Variants in RBM20 observed in about 807,000 individuals in gnomAD.
The protein encoded by RBM20 is RNA-binding protein 20.
Under a neutral mutation model 110.1 loss-of-function variants are expected in RBM20, and 51 were observed. The observed-to-expected ratio is 0.46, with a 90% CI of 0.37 to 0.59. The LOEUF (loss-of-function observed/expected upper bound fraction) is 0.59. Ranked by LOEUF, RBM20 falls within the 20% of genes least tolerant of loss-of-function variation. The pLI is 0.00. For synonymous variants in RBM20, 589 were observed against 618.2 expected (o/e 0.95, Z 0.70); for missense variants, 1,512 against 1,574.9 (o/e 0.96, Z 0.68).
At chr10:110,685,136 C>G (rs1249218370) in intron 1 of RBM20, among the ~76,000 whole-genome samples, 1 of 152,234 alleles carries the variant, frequency 6.6e-6, no homozygotes, top group East Asian at 1.9e-4. Flanking sequence ...GTGGTCGCTG[C>G]CGAGGATCAG....
chr10:110,712,697 G>A (rs1862953068), intron 1 of RBM20, among the ~76,000 whole-genome samples: 1 of 152,186 alleles, frequency 6.6e-6, no homozygotes. Context: ...AACCTGGGAA[G>A]CAGAGATTGC....
At chr10:110,747,712 T>C (rs1843799344) in intron 1 of RBM20, among the ~76,000 whole-genome samples, 1 of 152,192 alleles carries the variant, frequency 6.6e-6, no homozygotes, top group African/African-American at 2.4e-5. Flanking sequence ...TTAAATGACT[T>C]TTTAATCTGG....
intron 1 of RBM20, among the ~76,000 whole-genome samples, chr10:110,681,761 G>A (rs577994132): frequency 3.2e-4 from 48 of 152,220 alleles, no homozygotes; most frequent in Non-Finnish European, 5.7e-4. Context: ...GATAAGCCAT[G>A]ATACATTTAT....
intron 1 of RBM20, among the ~76,000 whole-genome samples, chr10:110,678,482 C>G (rs918902379): frequency 6.6e-6 from 1 of 152,150 alleles, no homozygotes; most frequent in Non-Finnish European, 1.5e-5. Context: ...TTAAGGACAC[C>G]CATGGAAAGC....
At chr10:110,714,718 T>C (rs2134919391) in intron 1 of RBM20, among the ~76,000 whole-genome samples, 3 of 152,286 alleles carry the variant, frequency 2.0e-5, no homozygotes, top group African/African-American at 7.2e-5. Context: ...CCTTCCTGGT[T>C]GTCCTCAGCC....
At chr10:110,674,930 C>T (rs1862316680) in intron 1 of RBM20, among the ~76,000 whole-genome samples, 1 of 152,170 alleles carries the variant, frequency 6.6e-6, no homozygotes, top group Admixed American at 6.5e-5. Context: ...ATATACTGTC[C>T]TCAAGGAGCT....
At chr10:110,816,512 G>A (rs780981001) in intron 9 of RBM20, among the ~76,000 whole-genome samples, 23 of 150,402 alleles carry the variant, frequency 1.5e-4, no homozygotes, top group South Asian at 2.1e-4. Flanking sequence ...CCCTCGCACC[G>A]CTGCAGACCA....
chr10:110,749,916 T>C (rs1200613788), intron 1 of RBM20, among the ~76,000 whole-genome samples: 1 of 152,122 alleles, frequency 6.6e-6, no homozygotes, highest in Non-Finnish European at 1.5e-5. Context: ...AGAATATCTT[T>C]ATGACCTGAG....
chr10:110,809,302 A>G (rs113863879), intron 7 of RBM20, among the ~76,000 whole-genome samples: 22 of 151,790 alleles, frequency 1.4e-4, no homozygotes, highest in African/African-American at 5.3e-4. Flanking sequence ...AATAAAACTC[A>G]TTATCAAAAG....
chr10:110,669,343 T>G (rs138383063), intron 1 of RBM20, among the ~76,000 whole-genome samples: 1 of 152,276 alleles, frequency 6.6e-6, no homozygotes, highest in East Asian at 1.9e-4. Context: ...AGGAATGATA[T>G]TTAAACGACC....
intron 1 of RBM20, among the ~76,000 whole-genome samples, chr10:110,652,271 C>G (rs1008174553): frequency 6.6e-6 from 1 of 152,076 alleles, no homozygotes; most frequent in African/African-American, 2.4e-5. Context: ...TGAGTGTGTG[C>G]TGGTGCCTGC....
chr10:110,744,781 G>C (rs1036113693), intron 1 of RBM20, among the ~76,000 whole-genome samples: 2 of 152,206 alleles, frequency 1.3e-5, no homozygotes. Flanking sequence ...GACAAGGAAA[G>C]AAATCTGCTG....
intron 1 of RBM20, among the ~76,000 whole-genome samples, chr10:110,676,987 T>C (rs1052726077): frequency 9.9e-5 from 15 of 152,248 alleles, no homozygotes; most frequent in African/African-American, 3.6e-4. Context: ...TTTCTGTTGC[T>C]TTTAACAGAA....
rs1246431491 is a variant in RBM20 at position 110,783,755 on chromosome 10, TAAATACTTTGA to T, written c.1337+341_1337+351del. Among the ~76,000 whole-genome samples, 10 of 152,372 alleles carry T rather than the reference TAAATACTTTGA, an allele frequency of 6.6e-5. No homozygotes were observed. In the East Asian group the frequency reaches 1.9e-3, roughly 29 times the overall value. ...CAAGTTCACATAGGGCTTACTATTT[TAAATACTTTGA>T]AAATACTTTGAAGTATACAATTCAG... On this transcript the variant is annotated intron_variant, in intron 3 of 13. Transcript: ENST00000369519.
chr10:110,767,475 G>C (rs1261019156), intron 1 of RBM20, among the ~76,000 whole-genome samples: 2 of 147,882 alleles, frequency 1.4e-5, no homozygotes, highest in African/African-American at 2.5e-5. Context: ...GGGCGGAGGG[G>C]CTCCTCACTT....
At chr10:110,683,789 A>G (rs1211760604) in intron 1 of RBM20, among the ~76,000 whole-genome samples, 1 of 152,262 alleles carries the variant, frequency 6.6e-6, no homozygotes, top group Non-Finnish European at 1.5e-5. Flanking sequence ...TTCTATTTCT[A>G]TCTACAGTTG....
intron 1 of RBM20, among the ~76,000 whole-genome samples, chr10:110,768,477 A>T (rs1296265448): frequency 6.6e-6 from 1 of 152,250 alleles, no homozygotes; most frequent in Non-Finnish European, 1.5e-5. Flanking sequence ...TAAAGCCCCA[A>T]TCTTAATGTT....
At chr10:110,818,888 A>G (rs1308342184) in intron 9 of RBM20, among the ~76,000 whole-genome samples, 1 of 152,250 alleles carries the variant, frequency 6.6e-6, no homozygotes, top group Non-Finnish European at 1.5e-5. Flanking sequence ...CTTTATACTC[A>G]GGCTAGTGCA....
intron 1 of RBM20, among the ~76,000 whole-genome samples, chr10:110,737,183 A>AAAAAAAAAAAAAAAAACAAC (rs1310498448): frequency 7.3e-6 from 1 of 137,910 alleles, no homozygotes; most frequent in African/African-American, 2.7e-5. Context: ...GCCTCAAAAA[A>AAAAAAAAAAAAAAAAACAAC]AAAAAAAAAA....
Sources: allele counts gnomAD v4.1 joint callset (sites outside exome capture counted in the v4.1 genomes callset), GRCh38; gene constraint gnomAD v4.1.1; transcripts MANE v1.5; gene names NCBI Gene and HGNC (gene_info 2026-07-23, HGNC 2026-07-21).